Variants in RPS6KC1 observed in about 807,000 individuals in gnomAD.
The protein encoded by RPS6KC1 is ribosomal protein S6 kinase C1.
In RPS6KC1, 54 loss-of-function variants were observed where a neutral mutation model predicts 103.8. The ratio of observed to expected loss-of-function variants is 0.52; its 90% confidence interval spans 0.42 to 0.65. RPS6KC1 has a LOEUF of 0.65. RPS6KC1 is among the 30% of genes least tolerant of loss of function. The pLI is 0.00. For synonymous variants in RPS6KC1, 439 were observed against 438.7 expected (o/e 1.00, Z -0.01); for missense variants, 1,151 against 1,253.8 (o/e 0.92, Z 1.24).
the RPS6KC1 span, among the ~76,000 whole-genome samples, chr1:213,428,387 C>G: frequency 1.3e-5 from 2 of 150,392 alleles, no homozygotes; most frequent in Admixed American, 1.3e-4. Flanking sequence ...TCTTTTTTAC[C>G]TCCCTCTCTC....
chr1:213,475,282 A>G, the RPS6KC1 span, among the ~76,000 whole-genome samples: 1 of 152,078 alleles, frequency 6.6e-6, no homozygotes, highest in Admixed American at 6.5e-5. Flanking sequence ...CAATTTTCCA[A>G]ATGTAGTCAT....
the RPS6KC1 span, among the ~76,000 whole-genome samples, chr1:213,583,930 C>T: frequency 6.6e-6 from 1 of 151,962 alleles, no homozygotes; most frequent in African/African-American, 2.4e-5. Flanking sequence ...AGTGAAGCTT[C>T]GGAATTTGCA....
At chr1:213,529,289 A>C in the RPS6KC1 span, among the ~76,000 whole-genome samples, 1 of 152,144 alleles carries the variant, frequency 6.6e-6, no homozygotes, top group African/African-American at 2.4e-5. Flanking sequence ...AAGTTTATGG[A>C]GCATGGAGCC....
the RPS6KC1 span, among the ~76,000 whole-genome samples, chr1:213,529,897 G>A: frequency 1.3e-5 from 2 of 152,100 alleles, no homozygotes; most frequent in Non-Finnish European, 2.9e-5. Flanking sequence ...GCTAGATTTT[G>A]CTTGAGATTG....
chr1:213,283,066 A>T, the RPS6KC1 span, among the ~76,000 whole-genome samples: 1 of 152,200 alleles, frequency 6.6e-6, no homozygotes, highest in Admixed American at 6.5e-5. Flanking sequence ...ATTCTTGGTT[A>T]TACATTCCTA....
chr1:213,300,969 A>G, the RPS6KC1 span, among the ~76,000 whole-genome samples: 2 of 152,034 alleles, frequency 1.3e-5, no homozygotes, highest in African/African-American at 2.4e-5. Flanking sequence ...CCTCTTCTTC[A>G]CACTCCACCC....
intron 14 of RPS6KC1, among the ~76,000 whole-genome samples, chr1:213,269,608 A>T (rs2094993755): frequency 6.6e-6 from 1 of 152,216 alleles, no homozygotes; most frequent in Non-Finnish European, 1.5e-5. Context: ...TAATAACCAT[A>T]ACAATCAAAG....
intron 7 of RPS6KC1, among the ~76,000 whole-genome samples, chr1:213,174,736 A>G (rs1263415416): frequency 1.3e-5 from 2 of 152,044 alleles, no homozygotes; most frequent in South Asian, 2.1e-4. Flanking sequence ...TATAACACTA[A>G]AATATCTTGC....
At chr1:213,388,318 C>T in the RPS6KC1 span, among the ~76,000 whole-genome samples, 1 of 152,226 alleles carries the variant, frequency 6.6e-6, no homozygotes, top group South Asian at 2.1e-4. Context: ...ATTGTCCCTG[C>T]TGCGGCCATG....
the RPS6KC1 span, among the ~76,000 whole-genome samples, chr1:213,455,914 C>T: frequency 3.9e-5 from 6 of 152,110 alleles, no homozygotes; most frequent in African/African-American, 9.7e-5. Flanking sequence ...TGAACATAGC[C>T]GAAGGCCCCC....
At chr1:213,409,405 G>T in the RPS6KC1 span, among the ~76,000 whole-genome samples, 2 of 152,164 alleles carry the variant, frequency 1.3e-5, no homozygotes, top group East Asian at 3.9e-4. Flanking sequence ...CTCTGTTTTA[G>T]TTGGTTTTGG....
chr1:213,685,322 T>A, the RPS6KC1 span, among the ~76,000 whole-genome samples: 1 of 152,286 alleles, frequency 6.6e-6, no homozygotes, highest in African/African-American at 2.4e-5. Context: ...AAAAATCATT[T>A]TAAAAAATCT....
At chr1:213,396,078 T>G in the RPS6KC1 span, among the ~76,000 whole-genome samples, 2 of 152,096 alleles carry the variant, frequency 1.3e-5, no homozygotes, top group Middle Eastern at 3.4e-3. Context: ...AGGGGAGGGA[T>G]GGGAATAGCA....
the RPS6KC1 span, among the ~76,000 whole-genome samples, chr1:213,460,278 A>G: frequency 6.6e-6 from 1 of 152,096 alleles, no homozygotes; most frequent in Non-Finnish European, 1.5e-5. Context: ...GGGTGCATAT[A>G]TATTTAGGAT....
the RPS6KC1 span, among the ~76,000 whole-genome samples, chr1:213,823,047 C>T: frequency 1.3e-5 from 2 of 152,134 alleles, no homozygotes; most frequent in African/African-American, 2.4e-5. Flanking sequence ...AGGCCCTGCC[C>T]GTGTCTCTAA....
the RPS6KC1 span, among the ~76,000 whole-genome samples, chr1:213,548,205 C>G: frequency 6.6e-6 from 1 of 152,180 alleles, no homozygotes; most frequent in Admixed American, 6.5e-5. Flanking sequence ...TTGAATCTTA[C>G]AGATACTGTG....
At chr1:213,489,402 C>T in the RPS6KC1 span, among the ~76,000 whole-genome samples, 41,136 of 152,026 alleles carry the variant, frequency 0.27, 5,891 homozygotes, top group Middle Eastern at 0.36. Flanking sequence ...GGACATAACG[C>T]TTAGGAATCA....
chr1:213,467,089 G>C, the RPS6KC1 span, among the ~76,000 whole-genome samples: 7 of 151,520 alleles, frequency 4.6e-5, no homozygotes, highest in Non-Finnish European at 1.0e-4. Flanking sequence ...ACTCCCTATT[G>C]GCAGCAGAAT....
At chr1:213,861,559 C>G in the RPS6KC1 span, among the ~76,000 whole-genome samples, 1 of 152,186 alleles carries the variant, frequency 6.6e-6, no homozygotes, top group Non-Finnish European at 1.5e-5. Context: ...AGTAGCAAAA[C>G]AGCCGCTATG....
Sources: allele counts gnomAD v4.1 joint callset (sites outside exome capture counted in the v4.1 genomes callset), GRCh38; gene constraint gnomAD v4.1.1; transcripts MANE v1.5; gene names NCBI Gene and HGNC (gene_info 2026-07-23, HGNC 2026-07-21).